The following SLC5A4 variants were observed in gnomAD, a reference collection of about 807,000 sequenced individuals.
SLC5A4 encodes the protein solute carrier family 5 member 4.
SLC5A4 carries 55 observed loss-of-function variants against 70.3 expected under a neutral mutation model. That is an observed-to-expected ratio of 0.78 (90% confidence interval 0.63 to 0.98). SLC5A4 has a LOEUF of 0.98. SLC5A4 is among the 50% of genes least tolerant of loss of function. SLC5A4 has a pLI of 0.00. For missense variants in SLC5A4, 735 were observed against 839.2 expected, an observed-to-expected ratio of 0.88 and a Z score of 1.53; for synonymous variants, 268 against 305.7, an observed-to-expected ratio of 0.88 and a Z score of 1.29.
the SLC5A4 span, among the ~76,000 whole-genome samples, chr22:32,332,484 C>T: frequency 2.0e-5 from 3 of 152,220 alleles, no homozygotes; most frequent in East Asian, 1.9e-4. Context: ...CCAGCTGCCC[C>T]GAGAGGCAGG....
At chr22:32,225,048 A>G (rs572594627) in intron 12 of SLC5A4, among the ~76,000 whole-genome samples, 1 of 152,198 alleles carries the variant, frequency 6.6e-6, no homozygotes, top group Non-Finnish European at 1.5e-5. Context: ...ACTTACTAAT[A>G]TTAAGTAACA....
intron 3 of SLC5A4, among the ~76,000 whole-genome samples, chr22:32,250,512 G>A (rs1234034440): frequency 6.6e-6 from 1 of 152,140 alleles, no homozygotes; most frequent in Non-Finnish European, 1.5e-5. Context: ...CTGTGGGAGT[G>A]CAAATTAGTT....
At chr22:32,236,851 C>T (rs995672057) in intron 7 of SLC5A4, among the ~76,000 whole-genome samples, 2 of 151,868 alleles carry the variant, frequency 1.3e-5, no homozygotes, top group Non-Finnish European at 2.9e-5. Context: ...ACTACAAGCG[C>T]GCGCCACCAC....
At chr22:32,325,721 T>C in the SLC5A4 span, among the ~76,000 whole-genome samples, 1 of 152,382 alleles carries the variant, frequency 6.6e-6, no homozygotes, top group East Asian at 1.9e-4. Flanking sequence ...GTGTGTAGCC[T>C]CAGTTCTCTC....
the SLC5A4 span, chr22:32,269,731 C>T: frequency 1.6e-6 from 1 of 631,294 alleles, no homozygotes; most frequent in Non-Finnish European, 3.1e-6. This position sits in a 1 kb window ranked among gnomAD's most constrained non-coding sequence, Gnocchi z 4.1. Flanking sequence ...ACAGGCACCG[C>T]AGCTTTCCCG....
the SLC5A4 span, among the ~76,000 whole-genome samples, chr22:32,325,454 G>A: frequency 6.6e-6 from 1 of 152,216 alleles, no homozygotes; most frequent in Non-Finnish European, 1.5e-5. Flanking sequence ...CTGGGCAGAT[G>A]GAACAGCCTC....
intron 1 of SLC5A4, among the ~76,000 whole-genome samples, chr22:32,254,950 T>G (rs1455019534): frequency 6.6e-6 from 1 of 152,170 alleles, no homozygotes; most frequent in African/African-American, 2.4e-5. Flanking sequence ...CTTTGTCCAT[T>G]ATGCCAGGTG....
chr22:32,332,255 T>A, the SLC5A4 span, among the ~76,000 whole-genome samples: 1 of 152,242 alleles, frequency 6.6e-6, no homozygotes, highest in Non-Finnish European at 1.5e-5. Flanking sequence ...ACCATGGCCC[T>A]GCACAGTCAG....
the SLC5A4 span, among the ~76,000 whole-genome samples, chr22:32,353,888 C>T: frequency 1.1e-4 from 16 of 151,706 alleles, no homozygotes; most frequent in African/African-American, 2.9e-4. Context: ...CCCCCAACTG[C>T]GGGAAGTGCA....
At chr22:32,348,110 A>G in the SLC5A4 span, among the ~76,000 whole-genome samples, 1 of 152,198 alleles carries the variant, frequency 6.6e-6, no homozygotes, top group Non-Finnish European at 1.5e-5. Context: ...TAAATCCTCC[A>G]TAAACATGGG....
chr22:32,239,572 A>T (rs1926359414), intron 5 of SLC5A4, among the ~76,000 whole-genome samples: 1 of 24,136 alleles, frequency 4.1e-5, no homozygotes, highest in African/African-American at 2.8e-4. Context: ...ATATATATTT[A>T]TATATATATT....
At chr22:32,318,257 G>C in the SLC5A4 span, among the ~76,000 whole-genome samples, 1 of 151,508 alleles carries the variant, frequency 6.6e-6, no homozygotes, top group Non-Finnish European at 1.5e-5. Flanking sequence ...GATGGAGCTG[G>C]AATTTCACTC....
At chr22:32,306,761 G>A in the SLC5A4 span, among the ~76,000 whole-genome samples, 113 of 152,266 alleles carry the variant, frequency 7.4e-4, 1 homozygote, top group Non-Finnish European at 1.3e-3. Context: ...TCTCACCCTT[G>A]CAGCCCCCCA....
At chr22:32,234,387 G>T (rs1020451201) in intron 8 of SLC5A4, among the ~76,000 whole-genome samples, 40 of 152,142 alleles carry the variant, frequency 2.6e-4, no homozygotes, top group African/African-American at 9.7e-4. Context: ...TTTTTAAATA[G>T]CAAGGTTTGT....
Position 32,241,591 on chromosome 22 carries a change from T to C in SLC5A4, c.478-2501A>G, listed in dbSNP as rs554640643. On this transcript the variant is annotated intron_variant, in intron 5 of 14. Coordinates refer to ENST00000266086, the MANE Select transcript of SLC5A4 (RefSeq NM_014227.3). ...CGGGCACAGTGGCTCATGCCTGTAA[T>C]CCCAGCACTTTGGGAGGCCAAAGCG... 3.2e-3 allele frequency among the ~76,000 whole-genome samples: 484 copies of C among 152,320 alleles called. 1 individual carries two copies. The highest frequency in any genetic ancestry group is 5.4e-3 in the Non-Finnish European group (369 of 68,032).
chr22:32,305,726 T>A, the SLC5A4 span, among the ~76,000 whole-genome samples: 2 of 129,606 alleles, frequency 1.5e-5, no homozygotes, highest in Non-Finnish European at 3.2e-5. Flanking sequence ...CGGTGCTCAT[T>A]AAAGGTGGTT....
intron 9 of SLC5A4, 138 bp from the exon 10 acceptor site, chr22:32,231,213 A>C (rs775267095): frequency 2.4e-5 from 16 of 656,608 alleles, no homozygotes; most frequent in Non-Finnish European, 4.4e-5. Flanking sequence ...TTTGAACTCC[A>C]TATCATAGAT....
chr22:32,316,378 AAAG>A, the SLC5A4 span, among the ~76,000 whole-genome samples: 4 of 152,178 alleles, frequency 2.6e-5, no homozygotes, highest in Non-Finnish European at 4.4e-5. Context: ...GAATGAGAAA[AAAG>A]AAGGGCACTG....
chr22:32,253,398 T>A lies in SLC5A4; in HGVS notation c.207+744A>T, dbSNP rs117038325. On this transcript the variant is annotated intron_variant, in intron 2 of 14. Coordinates refer to ENST00000266086, the MANE Select transcript of SLC5A4 (RefSeq NM_014227.3). ...ACACAACCAATAACTGCATGGGACA[T>A]AGGGACCCATGGAGAGAGCCGGGAG... Among the ~76,000 whole-genome samples, 623 of 152,102 alleles carry A rather than the reference T, an allele frequency of 4.1e-3. 3 individuals carry two copies. The highest frequency in any genetic ancestry group is 0.014 in the African/African-American group (590 of 41,462).
Sources: allele counts gnomAD v4.1 joint callset (sites outside exome capture counted in the v4.1 genomes callset), GRCh38; gene constraint gnomAD v4.1.1; non-coding constraint Gnocchi (gnomAD v3.1); transcripts MANE v1.5; gene names NCBI Gene and HGNC (gene_info 2026-07-23, HGNC 2026-07-21).